PPP3CA: variants seen among roughly 807,000 people sequenced by gnomAD.
The protein encoded by PPP3CA is protein phosphatase 3 catalytic subunit alpha.
Under a neutral mutation model 66.5 loss-of-function variants are expected in PPP3CA, and 14 were observed. The observed-to-expected ratio is 0.21, with a 90% CI of 0.14 to 0.33. The LOEUF is 0.33. PPP3CA is among the 10% of genes least tolerant of loss of function. PPP3CA has a pLI of 1.00. For missense variants in PPP3CA, 317 were observed against 639.5 expected, an observed-to-expected ratio of 0.50 and a Z score of 5.44; for synonymous variants, 232 against 226.2, an observed-to-expected ratio of 1.03 and a Z score of -0.23.
At chr4:101,259,365 A>AGCAG (rs1215904243) in intron 1 of PPP3CA, among the ~76,000 whole-genome samples, 2 of 151,678 alleles carry the variant, frequency 1.3e-5, no homozygotes, top group Non-Finnish European at 2.9e-5. Flanking sequence ...CAAGCAAGCA[A>AGCAG]GCATCCACAA....
At chr4:101,339,622 T>C (rs991523896) in intron 1 of PPP3CA, among the ~76,000 whole-genome samples, 3 of 152,166 alleles carry the variant, frequency 2.0e-5, no homozygotes, top group Non-Finnish European at 2.9e-5. Context: ...GAACTTAATA[T>C]AATACACTCA....
At chr4:101,154,884 T>G (rs937804702) in intron 2 of PPP3CA, among the ~76,000 whole-genome samples, 1 of 136,624 alleles carries the variant, frequency 7.3e-6, no homozygotes, top group African/African-American at 2.8e-5. Flanking sequence ...TGGTGCAATC[T>G]CGGCTCACTG....
At chr4:101,218,604 CT>C in intron 1 of PPP3CA, among the ~76,000 whole-genome samples, 1 of 152,024 alleles carries the variant, frequency 6.6e-6, no homozygotes, top group East Asian at 1.9e-4. Flanking sequence ...GTTTAAATTC[CT>C]TTCCAGAAAC....
intron 13 of PPP3CA, among the ~76,000 whole-genome samples, chr4:101,028,941 T>C (rs1479134241): frequency 6.6e-6 from 1 of 152,122 alleles, no homozygotes; most frequent in Non-Finnish European, 1.5e-5. Context: ...GATTATAGTA[T>C]TCATCATATA....
chr4:101,068,266 T>C (rs535910040), intron 8 of PPP3CA, among the ~76,000 whole-genome samples: 1 of 152,126 alleles, frequency 6.6e-6, no homozygotes, highest in Non-Finnish European at 1.5e-5. Context: ...AATTGCATAA[T>C]AGACCCAGGA....
intron 2 of PPP3CA, among the ~76,000 whole-genome samples, chr4:101,189,574 T>C (rs1302537470): frequency 6.6e-6 from 1 of 151,678 alleles, no homozygotes; most frequent in East Asian, 1.9e-4. Context: ...GATAGACAAT[T>C]TCACTGAGCT....
At chr4:101,122,388 ATG>A (rs143010105) in intron 2 of PPP3CA, among the ~76,000 whole-genome samples, 5 of 151,782 alleles carry the variant, frequency 3.3e-5, no homozygotes, top group African/African-American at 7.3e-5. Context: ...AGCTCTTTGT[ATG>A]TGTGTGTGTG....
chr4:101,286,368 A>G (rs1469339555), intron 1 of PPP3CA, among the ~76,000 whole-genome samples: 1 of 152,214 alleles, frequency 6.6e-6, no homozygotes, highest in Non-Finnish European at 1.5e-5. Context: ...GCCAACCACA[A>G]TCTTAGGTGG....
chr4:101,219,908 C>T (rs1725570470), intron 1 of PPP3CA, among the ~76,000 whole-genome samples: 1 of 151,756 alleles, frequency 6.6e-6, no homozygotes, highest in Admixed American at 6.6e-5. Context: ...ATGGAACTAA[C>T]TTTACATGTA....
At chr4:101,305,990 T>TC (rs1298175169) in intron 1 of PPP3CA, among the ~76,000 whole-genome samples, 2 of 152,088 alleles carry the variant, frequency 1.3e-5, no homozygotes, top group Non-Finnish European at 2.9e-5. Context: ...TTTTTTTTTT[T>TC]CTAATCAGAC....
At chr4:101,236,947 G>C (rs573617172) in intron 1 of PPP3CA, among the ~76,000 whole-genome samples, 1 of 151,078 alleles carries the variant, frequency 6.6e-6, no homozygotes, top group African/African-American at 2.4e-5. Context: ...GGCGATAATA[G>C]AGCATTTATC....
At chr4:101,028,819 G>T (rs919666216) in intron 13 of PPP3CA, among the ~76,000 whole-genome samples, 1 of 152,056 alleles carries the variant, frequency 6.6e-6, no homozygotes, top group Non-Finnish European at 1.5e-5. Context: ...AGTGATTTGA[G>T]GGAGGGACAT....
intron 1 of PPP3CA, among the ~76,000 whole-genome samples, chr4:101,316,223 A>C (rs1339578451): frequency 6.6e-6 from 1 of 151,052 alleles, no homozygotes; most frequent in Admixed American, 6.6e-5. Context: ...GGTAAAAATG[A>C]GTATTTGGAG....
At chr4:101,029,346 CTAA>C (rs1726816389) in intron 12 of PPP3CA, 151 bp from the exon 13 acceptor site, 3 of 53,640 alleles carry the variant, frequency 5.6e-5, no homozygotes, top group Non-Finnish European at 6.3e-5. Context: ...AACAGAAATG[CTAA>C]AAAAAAAAAA....
chr4:101,099,595 G>A lies in PPP3CA; in HGVS notation c.496+16C>T, dbSNP rs1730352056. The A allele has an allele frequency of 6.9e-7, 1 of 1,453,938 alleles. No individual in the cohort carries two copies. The highest frequency in any genetic ancestry group is 2.3e-5 in the East Asian group (1 of 42,556). 90.1% of individuals were successfully genotyped at this position (1,453,938 alleles called of 1,614,324 possible). ...GCACATATAGTGTTAAAGGAAGGAG[G>A]TTGAAGTATACTTACATTCTTGTTT... is the stretch of plus-strand genomic sequence containing the variant. On this transcript the variant is annotated intron_variant, in intron 4 of 13. Coordinates refer to ENST00000394854, the MANE Select transcript of PPP3CA (RefSeq NM_000944.5).
chr4:101,029,368 A>G (rs938496931), intron 12 of PPP3CA, among the ~76,000 whole-genome samples, 173 bp from the exon 13 acceptor site: 14 of 104,522 alleles, frequency 1.3e-4, no homozygotes, highest in Non-Finnish European at 2.1e-4. Context: ...AAAAAAAAAA[A>G]AAAAGAAAAA....
chr4:101,077,461 T>A (rs1729243036), intron 8 of PPP3CA, among the ~76,000 whole-genome samples: 1 of 152,316 alleles, frequency 6.6e-6, no homozygotes, highest in South Asian at 2.1e-4. Context: ...GCAATCCAAT[T>A]TTATTACACT....
chr4:101,171,147 G>A (rs1377283856), intron 2 of PPP3CA: 2 of 455,442 alleles, frequency 4.4e-6, no homozygotes, highest in Admixed American at 2.4e-5. Context: ...TCCCTGCCAT[G>A]TGTGAAATCT....
chr4:101,291,628 C>T (rs183611256), intron 1 of PPP3CA, among the ~76,000 whole-genome samples: 5 of 152,270 alleles, frequency 3.3e-5, no homozygotes, highest in African/African-American at 4.8e-5. Context: ...AGATTAATAA[C>T]GCAACATCCT....
Sources: allele counts gnomAD v4.1 joint callset (sites outside exome capture counted in the v4.1 genomes callset), GRCh38; gene constraint gnomAD v4.1.1; transcripts MANE v1.5; gene names NCBI Gene and HGNC (gene_info 2026-07-23, HGNC 2026-07-21).